BCHE: variants seen among roughly 807,000 people sequenced by gnomAD.
BCHE encodes cholinesterase.
Under a neutral mutation model 51.3 loss-of-function variants are expected in BCHE, and 48 were observed. The ratio of observed to expected loss-of-function variants is 0.94; its 90% CI spans 0.74 to 1.19. BCHE has a LOEUF of 1.19. Ranked by LOEUF, BCHE falls within the 50% of genes most tolerant of loss-of-function variation. BCHE has a pLI of 0.00. For missense variants in BCHE, 847 were observed against 708.2 expected (o/e 1.20, Z -2.23); for synonymous variants, 251 against 238.0 (o/e 1.05, Z -0.50).
chr3:165,774,581 C>A (rs998078016), intron 3 of BCHE, among the ~76,000 whole-genome samples: 3 of 152,064 alleles, frequency 2.0e-5, no homozygotes, highest in African/African-American at 7.2e-5. Context: ...CTCAGGTGAT[C>A]CACCTGCCTC....
chr3:165,782,880 A>G (rs1712762665), intron 3 of BCHE, among the ~76,000 whole-genome samples: 1 of 151,918 alleles, frequency 6.6e-6, no homozygotes, highest in Non-Finnish European at 1.5e-5. Context: ...TTAAAGCATT[A>G]ATCCCTTTTA....
At chr3:165,793,911 G>A (rs749557584) in intron 2 of BCHE, among the ~76,000 whole-genome samples, 2 of 152,108 alleles carry the variant, frequency 1.3e-5, no homozygotes, top group Non-Finnish European at 2.9e-5. Context: ...GCGGGGCGTG[G>A]TGGTGTGCAC....
In BCHE at chr3:165,837,409, A is replaced by G. The variant is rs541713553; in HGVS notation, c.-104T>C. On this transcript the variant is annotated 5_prime_UTR_variant, in exon 1 of 4. Transcript: ENST00000264381. ...GGATGCAGCTGCTGCTCCAGCCTGT[A>G]AATTGGACTGCACTGACATTCAGTG... 9 of 1,289,740 alleles carry G rather than the reference A, an allele frequency of 7.0e-6. No homozygotes were observed. In the East Asian group the frequency reaches 2.2e-4, roughly 32 times the overall value. 79.9% of individuals were successfully genotyped at this position (1,289,740 alleles called of 1,614,324 possible).
chr3:165,828,519 G>A (rs1714818963), intron 2 of BCHE, among the ~76,000 whole-genome samples: 1 of 152,106 alleles, frequency 6.6e-6, no homozygotes, highest in Non-Finnish European at 1.5e-5. Context: ...GGGTGGAAAA[G>A]AACACCAGAA....
intron 2 of BCHE, among the ~76,000 whole-genome samples, chr3:165,800,496 C>A (rs921263156): frequency 2.6e-5 from 4 of 151,790 alleles, no homozygotes; most frequent in African/African-American, 9.7e-5. Flanking sequence ...TAAATTTTAC[C>A]CAGGGTTTCT....
At position 165,831,009 on chromosome 3, in the gene BCHE, A is replaced by C. The variant is rs763759719; in HGVS notation, c.25T>G (p.Cys9Gly). The change falls in exon 2 of 4, where the codon TGC (cysteine) becomes GGC (glycine). Residue 9 changes from cysteine to glycine, a missense_variant. Physicochemically the swap from Cys to Gly is radical, Grantham distance 159. Transcript: ENST00000264381. ...AGAAACCAAAAGAGAAATCTGATGC[A>C]TATGATTGTGACTTTGCTATGCATA... MHSKVTII[C>G]IRFLFWFLLL... is the part of the protein sequence containing the mutation. The C allele has an allele frequency of 2.5e-6, 4 of 1,612,994 alleles. No individual in the cohort carries two copies. The African/African-American group carries it at 4.0e-5, about 16-fold the overall frequency.
At chr3:165,796,784 G>A (rs939848888) in intron 2 of BCHE, among the ~76,000 whole-genome samples, 9 of 152,194 alleles carry the variant, frequency 5.9e-5, no homozygotes, top group African/African-American at 2.2e-4. Flanking sequence ...AAACAAATTG[G>A]TTTCCAGTGC....
chr3:165,798,226 T>G (rs1184292969), intron 2 of BCHE, among the ~76,000 whole-genome samples: 1 of 152,118 alleles, frequency 6.6e-6, no homozygotes, highest in Admixed American at 6.6e-5. Context: ...TGCATACACT[T>G]GAAACTACAG....
At chr3:165,834,724 T>A (rs4525913) in intron 1 of BCHE, among the ~76,000 whole-genome samples, 2 of 151,662 alleles carry the variant, frequency 1.3e-5, no homozygotes, top group South Asian at 2.1e-4. Flanking sequence ...ATATTGAGTC[T>A]ATATCTCAAA....
chr3:165,774,304 T>A (rs1452518970), intron 3 of BCHE, among the ~76,000 whole-genome samples: 1 of 152,108 alleles, frequency 6.6e-6, no homozygotes, highest in African/African-American at 2.4e-5. Context: ...ACATAGATTT[T>A]ACCCTTATTA....
chr3:165,834,341 T>C (rs987819785), intron 1 of BCHE, among the ~76,000 whole-genome samples: 1 of 152,030 alleles, frequency 6.6e-6, no homozygotes, highest in Non-Finnish European at 1.5e-5. Context: ...ATCTGAGTTA[T>C]CAACTTGCAA....
intron 3 of BCHE, among the ~76,000 whole-genome samples, chr3:165,782,295 A>G (rs1439902879): frequency 6.6e-6 from 1 of 152,148 alleles, no homozygotes; most frequent in Non-Finnish European, 1.5e-5. Context: ...ATTGTAAAAC[A>G]GAGACAACTT....
chr3:165,826,676 TAAG>T (rs1199639472), intron 2 of BCHE, among the ~76,000 whole-genome samples: 9 of 152,148 alleles, frequency 5.9e-5, no homozygotes, highest in South Asian at 4.1e-4. Flanking sequence ...ATTTACTAAT[TAAG>T]AAGAATTTAT....
intron 2 of BCHE, among the ~76,000 whole-genome samples, chr3:165,790,267 T>A (rs1713117586): frequency 1.3e-5 from 2 of 152,096 alleles, no homozygotes; most frequent in Admixed American, 6.6e-5. Context: ...CTAAATATAG[T>A]AATAAAATCC....
intron 2 of BCHE, among the ~76,000 whole-genome samples, chr3:165,826,096 TA>T (rs1408311943): frequency 6.6e-6 from 1 of 151,800 alleles, no homozygotes; most frequent in Admixed American, 6.6e-5. Context: ...ACAGTTTCTT[TA>T]AAAAAAATAA....
At chr3:165,789,115 A>C (rs941694704) in intron 2 of BCHE, among the ~76,000 whole-genome samples, 2 of 152,146 alleles carry the variant, frequency 1.3e-5, no homozygotes, top group African/African-American at 4.8e-5. Flanking sequence ...TGTTCTCGTC[A>C]CAAAATAAAT....
chr3:165,782,966 A>T (rs1712766002), intron 3 of BCHE, among the ~76,000 whole-genome samples: 1 of 152,044 alleles, frequency 6.6e-6, no homozygotes, highest in Non-Finnish European at 1.5e-5. Context: ...AGTGGTTAGG[A>T]TGTCAACATA....
intron 3 of BCHE, among the ~76,000 whole-genome samples, chr3:165,775,218 G>A (rs1434706291): frequency 1.3e-5 from 2 of 151,880 alleles, no homozygotes; most frequent in African/African-American, 4.8e-5. Flanking sequence ...CCTTTTTGCA[G>A]ACATTACAAT....
chr3:165,829,280 T>C (rs1368619886), intron 2 of BCHE, among the ~76,000 whole-genome samples: 1 of 152,160 alleles, frequency 6.6e-6, no homozygotes, highest in Non-Finnish European at 1.5e-5. Context: ...TGAAATATTT[T>C]GGAGATGAAA....
Sources: gnomAD v4.1 joint callset for allele counts (sites outside exome capture counted in the v4.1 genomes callset) on GRCh38, gnomAD v4.1.1 for gene constraint, MANE v1.5 for transcripts, NCBI Gene and HGNC (gene_info 2026-07-23, HGNC 2026-07-21) for gene names.